Variants in KIFAP3 observed in about 807,000 individuals in gnomAD.
KIFAP3 encodes the protein kinesin associated protein 3.
Under a neutral mutation model 106.5 loss-of-function variants are expected in KIFAP3, and 68 were observed. The ratio of observed to expected loss-of-function variants is 0.64; its 90% CI spans 0.53 to 0.78. The LOEUF is 0.78. KIFAP3 is among the 30% of genes least tolerant of loss of function. KIFAP3 has a pLI of 0.00. For synonymous variants in KIFAP3, 320 were observed against 311.5 expected, an observed-to-expected ratio of 1.03 and a Z score of -0.29; for missense variants, 780 against 941.8, an observed-to-expected ratio of 0.83 and a Z score of 2.25.
intron 15 of KIFAP3, among the ~76,000 whole-genome samples, chr1:169,978,589 A>G (rs1379180343): frequency 1.3e-5 from 2 of 152,098 alleles, no homozygotes; most frequent in Non-Finnish European, 2.9e-5. Flanking sequence ...TTTAGTTTCC[A>G]TCTAATTAAT....
chr1:170,050,635 A>G (rs1488704089), intron 2 of KIFAP3, among the ~76,000 whole-genome samples: 2 of 152,238 alleles, frequency 1.3e-5, no homozygotes, highest in African/African-American at 2.4e-5. Context: ...TCAGACTAAC[A>G]GCGGATCTCT....
chr1:169,981,449 C>A (rs80083372), intron 15 of KIFAP3, among the ~76,000 whole-genome samples: 1 of 151,980 alleles, frequency 6.6e-6, no homozygotes, highest in Non-Finnish European at 1.5e-5. Context: ...TTCAAGTAAC[C>A]CTTATTTCAT....
chr1:169,956,975 A>G (rs540709859), intron 18 of KIFAP3, among the ~76,000 whole-genome samples: 1 of 152,284 alleles, frequency 6.6e-6, no homozygotes, highest in African/African-American at 2.4e-5. Context: ...GGCTTGACAA[A>G]AGTTAGGCAG....
chr1:169,961,276 C>G, intron 17 of KIFAP3, 41 bp from the exon 18 acceptor site: 1 of 1,511,058 alleles, frequency 6.6e-7, no homozygotes, highest in Non-Finnish European at 9.1e-7. Flanking sequence ...TATAAGCTAA[C>G]TCACTTGGCA....
intron 19 of KIFAP3, among the ~76,000 whole-genome samples, 200 bp downstream of exon 19, chr1:169,953,811 G>A (rs994158955): frequency 2.6e-5 from 4 of 152,182 alleles, no homozygotes; most frequent in African/African-American, 9.7e-5. Context: ...ACCACACGCG[G>A]CCTTGTGATC....
chr1:170,066,077 G>C (rs1242954485), intron 1 of KIFAP3, among the ~76,000 whole-genome samples: 1 of 149,956 alleles, frequency 6.7e-6, no homozygotes, highest in Non-Finnish European at 1.5e-5. Context: ...TTTGGTGGTT[G>C]CTTTAGGAAA....
At chr1:169,976,080 T>C (rs2101897900) in intron 16 of KIFAP3, among the ~76,000 whole-genome samples, 1 of 152,258 alleles carries the variant, frequency 6.6e-6, no homozygotes, top group African/African-American at 2.4e-5. Context: ...AAATGTACAT[T>C]TTAAACAGAC....
chr1:169,974,424 C>A lies in KIFAP3; in HGVS notation c.1898-1826G>T, dbSNP rs370474548. Reference sequence around the variant, plus strand: ...GACTAGTGGCAAAGTGATGACTTAACTCATTAGTGTTACTTACTATTTAAA... The same window carrying A: ...GACTAGTGGCAAAGTGATGACTTAAATCATTAGTGTTACTTACTATTTAAA... On this transcript the variant is annotated intron_variant, in intron 16 of 19. Coordinates refer to ENST00000361580, the MANE Select transcript of KIFAP3 (RefSeq NM_014970.4). Among the ~76,000 whole-genome samples the A allele has an allele frequency of 2.1e-4, 32 of 151,940 alleles. No homozygotes were observed. In the East Asian group the frequency reaches 5.0e-3, roughly 24 times the overall value.
chr1:170,061,117 T>C (rs370724063), intron 1 of KIFAP3, among the ~76,000 whole-genome samples: 170 of 152,202 alleles, frequency 1.1e-3, no homozygotes, highest in African/African-American at 4.0e-3. Flanking sequence ...GACTTCATGT[T>C]TAAAACACCA....
intron 1 of KIFAP3, among the ~76,000 whole-genome samples, chr1:170,061,193 A>G (rs1040597464): frequency 1.3e-5 from 2 of 152,202 alleles, no homozygotes; most frequent in Non-Finnish European, 2.9e-5. Context: ...GCTTCTGCAC[A>G]GCAAAAGAAA....
At chr1:170,054,811 G>A (rs1670759442) in intron 2 of KIFAP3, among the ~76,000 whole-genome samples, 1 of 152,010 alleles carries the variant, frequency 6.6e-6, no homozygotes, top group Non-Finnish European at 1.5e-5. Context: ...GCCTGTCAGG[G>A]GGTGGGGGAC....
intron 10 of KIFAP3, among the ~76,000 whole-genome samples, chr1:170,004,279 G>T (rs1251428470): frequency 6.6e-6 from 1 of 152,118 alleles, no homozygotes; most frequent in East Asian, 1.9e-4. Flanking sequence ...TGGCCATACT[G>T]CCCAAGGTAA....
intron 19 of KIFAP3, among the ~76,000 whole-genome samples, chr1:169,926,728 C>A (rs1663162207): frequency 6.6e-6 from 1 of 151,828 alleles, no homozygotes; most frequent in Non-Finnish European, 1.5e-5. Flanking sequence ...CTTATAACTA[C>A]CATGCTAAAT....
chr1:170,004,151 G>C (rs1667814593), intron 10 of KIFAP3, among the ~76,000 whole-genome samples: 1 of 151,920 alleles, frequency 6.6e-6, no homozygotes, highest in African/African-American at 2.4e-5. Context: ...ATTTACAAGG[G>C]ATGTGAAGGA....
chr1:170,046,176 T>A (rs1305547238), intron 3 of KIFAP3, among the ~76,000 whole-genome samples: 1 of 117,096 alleles, frequency 8.5e-6, no homozygotes, highest in African/African-American at 3.3e-5. Flanking sequence ...TCTCCTAGTT[T>A]GGTGACCCCC....
chr1:169,922,761 G>A (rs1299078680), intron 19 of KIFAP3, among the ~76,000 whole-genome samples: 1 of 152,122 alleles, frequency 6.6e-6, no homozygotes, highest in Non-Finnish European at 1.5e-5. Context: ...AGAAATGTAA[G>A]CTTTGGAAAA....
intron 19 of KIFAP3, among the ~76,000 whole-genome samples, chr1:169,947,536 C>T (rs572342990): frequency 6.6e-6 from 1 of 151,930 alleles, no homozygotes; most frequent in South Asian, 2.1e-4. Flanking sequence ...AAATGTATGA[C>T]AGTGACTTGC....
intron 11 of KIFAP3, among the ~76,000 whole-genome samples, chr1:169,985,992 G>A (rs1666810888): frequency 1.3e-5 from 2 of 151,626 alleles, no homozygotes; most frequent in African/African-American, 4.9e-5. Context: ...AGTACATAAA[G>A]AGAGTTTTTT....
At chr1:169,923,005 G>T in intron 19 of KIFAP3, 1 of 660,730 alleles carries the variant, frequency 1.5e-6, no homozygotes, top group Non-Finnish European at 1.9e-6. Context: ...ACGCGTGCTT[G>T]TGTGTATTAA....
Sources: allele counts gnomAD v4.1 joint callset (sites outside exome capture counted in the v4.1 genomes callset), GRCh38; gene constraint gnomAD v4.1.1; transcripts MANE v1.5; gene names NCBI Gene and HGNC (gene_info 2026-07-23, HGNC 2026-07-21).